NXPH1: variants seen among roughly 807,000 people sequenced by gnomAD.
NXPH1 encodes neurexophilin 1, also known as neurexophilin-1.
A neutral mutation model predicts 23.7 loss-of-function variants in NXPH1; 5 were observed. The ratio of observed to expected loss-of-function variants is 0.21; its 90% confidence interval spans 0.11 to 0.44. The LOEUF (loss-of-function observed/expected upper bound fraction) is 0.44. Ranked by LOEUF, NXPH1 falls within the 20% of genes least tolerant of loss-of-function variation. The pLI is 0.99. For missense variants in NXPH1, 324 were observed against 321.6 expected (o/e 1.01, Z -0.06); for synonymous variants, 144 against 122.2 (o/e 1.18, Z -1.18).
At chr7:8,555,177 G>T (rs1245264928) in intron 2 of NXPH1, among the ~76,000 whole-genome samples, 1 of 151,690 alleles carries the variant, frequency 6.6e-6, no homozygotes, top group Non-Finnish European at 1.5e-5. Flanking sequence ...ACAGTTCACT[G>T]GTTGGGGAAA....
intron 2 of NXPH1, among the ~76,000 whole-genome samples, chr7:8,614,541 G>A (rs1250104863): frequency 6.6e-6 from 1 of 151,770 alleles, no homozygotes; most frequent in Non-Finnish European, 1.5e-5. Context: ...AGACATACAT[G>A]TGCACATATA....
intron 2 of NXPH1, among the ~76,000 whole-genome samples, chr7:8,608,006 G>A (rs948645468): frequency 2.0e-5 from 3 of 152,224 alleles, no homozygotes; most frequent in Non-Finnish European, 4.4e-5. Flanking sequence ...AGGATTGGTG[G>A]TGACCACCAG....
At chr7:8,730,356 G>T (rs1780129232) in intron 2 of NXPH1, among the ~76,000 whole-genome samples, 1 of 148,880 alleles carries the variant, frequency 6.7e-6, no homozygotes. Context: ...AGTTAATATT[G>T]TTATGTGTGA....
At chr7:8,489,095 C>T (rs1214724915) in intron 2 of NXPH1, among the ~76,000 whole-genome samples, 5 of 152,034 alleles carry the variant, frequency 3.3e-5, no homozygotes, top group African/African-American at 9.7e-5. Context: ...TTACAAGATT[C>T]GTGTCCAAGA....
intron 2 of NXPH1, among the ~76,000 whole-genome samples, chr7:8,559,933 A>G (rs905150896): frequency 2.6e-5 from 4 of 151,718 alleles, no homozygotes; most frequent in African/African-American, 9.7e-5. Flanking sequence ...CTGACATGAA[A>G]GATTGCCAGA....
intron 2 of NXPH1, among the ~76,000 whole-genome samples, chr7:8,710,432 G>C (rs1167786745): frequency 1.3e-5 from 2 of 152,132 alleles, no homozygotes; most frequent in African/African-American, 4.8e-5. Context: ...TGCGAGGTTT[G>C]TTCTCTGTCT....
At chr7:8,540,767 A>G (rs1818103248) in intron 2 of NXPH1, among the ~76,000 whole-genome samples, 1 of 151,736 alleles carries the variant, frequency 6.6e-6, no homozygotes, top group African/African-American at 2.4e-5. Flanking sequence ...TAACACTCAC[A>G]CAGTGCCAGC....
At chr7:8,438,644 A>T (rs545394872) in intron 2 of NXPH1, among the ~76,000 whole-genome samples, 1 of 152,206 alleles carries the variant, frequency 6.6e-6, no homozygotes, top group Admixed American at 6.5e-5. Context: ...CTCCTAAAGA[A>T]ATATTTAGGC....
At chr7:8,603,417 T>G (rs866400399) in intron 2 of NXPH1, among the ~76,000 whole-genome samples, 12 of 151,602 alleles carry the variant, frequency 7.9e-5, no homozygotes, top group African/African-American at 2.7e-4. Flanking sequence ...TATTTTTGTT[T>G]TTGTTTTTTT....
At chr7:8,641,117 TATC>T (rs1387729556) in intron 2 of NXPH1, among the ~76,000 whole-genome samples, 1 of 152,190 alleles carries the variant, frequency 6.6e-6, no homozygotes, top group Non-Finnish European at 1.5e-5. Context: ...AGTTAAGTTT[TATC>T]ATATTCTTGA....
At chr7:8,467,176 T>G (rs1415850583) in intron 2 of NXPH1, among the ~76,000 whole-genome samples, 1 of 152,180 alleles carries the variant, frequency 6.6e-6, no homozygotes, top group Non-Finnish European at 1.5e-5. Context: ...CCGTCACTAC[T>G]TTGGGTCTCT....
At chr7:8,498,934 A>C (rs564345797) in intron 2 of NXPH1, among the ~76,000 whole-genome samples, 36 of 152,208 alleles carry the variant, frequency 2.4e-4, no homozygotes, top group African/African-American at 8.7e-4. Context: ...ACTCTGATTA[A>C]ATAAATGTCA....
chr7:8,491,949 A>G (rs1299278227), intron 2 of NXPH1, among the ~76,000 whole-genome samples: 1 of 152,004 alleles, frequency 6.6e-6, no homozygotes, highest in Non-Finnish European at 1.5e-5. Flanking sequence ...GCCATCTATA[A>G]AATGCAATTA....
chr7:8,448,560 T>C (rs1816445868), intron 2 of NXPH1, among the ~76,000 whole-genome samples: 1 of 152,214 alleles, frequency 6.6e-6, no homozygotes, highest in African/African-American at 2.4e-5. Flanking sequence ...CTCACGCCTG[T>C]AATCCTAGCA....
At position 8,711,052 on chromosome 7, in the gene NXPH1, A is replaced by G. The variant is rs540710459; in HGVS notation, c.55-39956A>G. Among the ~76,000 whole-genome samples the G allele has an allele frequency of 2.6e-5, 4 of 152,340 alleles. No homozygotes were observed. The South Asian group carries it at 8.3e-4, about 32-fold the overall frequency. On this transcript the variant is annotated intron_variant, in intron 2 of 2. Transcript: ENST00000405863. ...TTTCTGCTATAGCTCTATCCTCAGC[A>G]GTTTTAAATTTAGATATGGCAACAT...
intron 2 of NXPH1, among the ~76,000 whole-genome samples, chr7:8,480,417 TGG>T (rs905806389): frequency 2.6e-5 from 4 of 152,194 alleles, no homozygotes; most frequent in Non-Finnish European, 4.4e-5. Flanking sequence ...TATCTTTACC[TGG>T]GTATGCCCAA....
intron 2 of NXPH1, among the ~76,000 whole-genome samples, chr7:8,523,277 A>G (rs1584209810): frequency 6.6e-6 from 1 of 152,184 alleles, no homozygotes; most frequent in African/African-American, 2.4e-5. Flanking sequence ...TAACAGGCAC[A>G]CTCAGAATTT....
At chr7:8,566,630 G>T (rs10227474) in intron 2 of NXPH1, among the ~76,000 whole-genome samples, 26,084 of 151,708 alleles carry the variant, frequency 0.17, 3,703 homozygotes, top group African/African-American at 0.39. Context: ...CTCCATCCTT[G>T]CAATTCTTGG....
chr7:8,541,613 T>A (rs1562396322), intron 2 of NXPH1, among the ~76,000 whole-genome samples: 1 of 151,602 alleles, frequency 6.6e-6, no homozygotes, highest in South Asian at 2.1e-4. Context: ...TAAAGAAGAA[T>A]TTTTGGTATA....
Sources: gnomAD v4.1 joint callset for allele counts (sites outside exome capture counted in the v4.1 genomes callset) on GRCh38, gnomAD v4.1.1 for gene constraint, MANE v1.5 for transcripts, NCBI Gene and HGNC (gene_info 2026-07-23, HGNC 2026-07-21) for gene names.